The following LRBA variants were observed in gnomAD, a reference collection of about 807,000 sequenced individuals.
LRBA encodes the protein LPS responsive beige-like anchor protein.
A neutral mutation model predicts 330.0 loss-of-function variants in LRBA; 176 were observed. That is an observed-to-expected ratio of 0.53 (90% CI 0.47 to 0.60). The LOEUF is 0.60. Ranked by LOEUF, LRBA falls within the 20% of genes least tolerant of loss-of-function variation. The pLI is 0.00. For synonymous variants in LRBA, 1,230 were observed against 1,193.0 expected (o/e 1.03, Z -0.64); for missense variants, 3,259 against 3,444.8 (o/e 0.95, Z 1.35).
At chr4:150,963,421 G>A (rs896197746) in intron 2 of LRBA, among the ~76,000 whole-genome samples, 1 of 149,632 alleles carries the variant, frequency 6.7e-6, no homozygotes, top group African/African-American at 2.6e-5. Flanking sequence ...TCCTGACTGC[G>A]AGTGGTCTGC....
chr4:150,336,767 C>A (rs1277486659), intron 48 of LRBA, among the ~76,000 whole-genome samples: 1 of 152,208 alleles, frequency 6.6e-6, no homozygotes, highest in Admixed American at 6.5e-5. Flanking sequence ...TCACTACAAT[C>A]TCCAGTTCTT....
rs1779227811 is a variant in LRBA, at chr4:150,647,247, C to A, written c.5921+36304G>T. 2.7e-5 allele frequency among the ~76,000 whole-genome samples: 4 copies of A among 148,400 alleles called. No individual in the cohort carries two copies. In the Admixed American group the frequency reaches 2.7e-4, roughly 10 times the overall value. On this transcript the variant is annotated intron_variant, in intron 37 of 56. Coordinates refer to ENST00000651943, the MANE Select transcript of LRBA (RefSeq NM_001364905.1). ...TAACTTAGTCATTCTATTTCTGGGA[C>A]TATAGCCTGAAAAAAAAATAAGCTA...
chr4:150,959,510 G>C lies in LRBA; in HGVS notation c.217-30445C>G, dbSNP rs375381954. Among the ~76,000 whole-genome samples, 81 of 149,288 alleles carry C rather than the reference G, an allele frequency of 5.4e-4. 12 individuals are homozygous for C. Among genetic ancestry groups the C allele is most frequent in the African/African-American group, 2.0e-3 (78 of 38,734 alleles). ...GTAGGGTTGTACCAAAAGGACTCAG[G>C]AATCAACCTGAAGAAGTGCCTACTG... On this transcript the variant is annotated intron_variant, in intron 2 of 56. Transcript: ENST00000651943.
intron 56 of LRBA, among the ~76,000 whole-genome samples, chr4:150,266,433 C>T (rs932207054): frequency 6.6e-6 from 1 of 152,228 alleles, no homozygotes; most frequent in African/African-American, 2.4e-5. Context: ...CTGCAAGCTT[C>T]TTGGTCTCCT....
intron 49 of LRBA, among the ~76,000 whole-genome samples, chr4:150,322,950 C>A (rs891478061): frequency 2.0e-5 from 3 of 149,434 alleles, no homozygotes; most frequent in Non-Finnish European, 4.4e-5. Flanking sequence ...ATGCACTTAA[C>A]GCAGCACGAG....
At position 150,871,085 on chromosome 4, in the gene LRBA, A is replaced by T. The variant is rs187532453; in HGVS notation, c.2367+260T>A. 5.9e-5 allele frequency among the ~76,000 whole-genome samples: 9 copies of T among 152,244 alleles called. No homozygotes were observed. The East Asian group carries it at 1.5e-3, about 26-fold the overall frequency. On this transcript the variant is annotated intron_variant, in intron 19 of 56. Transcript: ENST00000651943. ...ACAGCAAAACCCGTCACTACTAAAA[A>T]TACAAAAATTAGCCGGGTTAGGTGG...
chr4:150,489,520 TAAG>T (rs1172696528), intron 41 of LRBA, among the ~76,000 whole-genome samples: 16 of 103,756 alleles, frequency 1.5e-4, no homozygotes, highest in African/African-American at 5.3e-4. Flanking sequence ...ATATAATATA[TAAG>T]AATACATAAT....
intron 34 of LRBA, among the ~76,000 whole-genome samples, chr4:150,765,197 T>C (rs998359274): frequency 6.6e-6 from 1 of 152,014 alleles, no homozygotes; most frequent in Admixed American, 6.6e-5. Context: ...ATTTCTACTA[T>C]ATGACATTTT....
chr4:150,571,624 G>C (rs138704341), intron 40 of LRBA, among the ~76,000 whole-genome samples: 9 of 133,964 alleles, frequency 6.7e-5, no homozygotes, highest in African/African-American at 2.4e-4. Context: ...CATACCTTTA[G>C]TATGCATTAA....
chr4:150,321,301 G>T lies in LRBA; in HGVS notation c.7520C>A (p.Ser2507Tyr). Residue 2507 changes from serine to tyrosine, a missense_variant, in exon 50 of 57, where the codon TCC becomes TAC. Transcript: ENST00000651943. This position sits in a 1 kb window ranked among gnomAD's most constrained non-coding sequence, Gnocchi z 4.5. ...GTTGGCTGCCACGTGAGTAACAGGGGAGTTGGAGGGAAACTTGAGGACCAT... is the reference window on the plus strand; with the variant it reads ...GTTGGCTGCCACGTGAGTAACAGGGTAGTTGGAGGGAAACTTGAGGACCAT... ...VIMVLKFPSN[S>Y]PVTHVAANTQ... The T allele has an allele frequency of 6.2e-7, 1 of 1,609,582 alleles. No individual in the cohort carries two copies. Among genetic ancestry groups the T allele is most frequent in the Non-Finnish European group, 8.5e-7 (1 of 1,178,532 alleles).
intron 37 of LRBA, among the ~76,000 whole-genome samples, chr4:150,625,512 C>T (rs1371494890): frequency 6.6e-6 from 1 of 151,974 alleles, no homozygotes; most frequent in Non-Finnish European, 1.5e-5. Context: ...ATATCTTAAT[C>T]TAACTTGAAA....
At position 150,489,514 on chromosome 4, in the gene LRBA, A is replaced by ATT. The variant is rs1262505873; in HGVS notation, c.6448+1403_6448+1404insAA. Among the ~76,000 whole-genome samples the ATT allele has an allele frequency of 1.5e-3, 53 of 34,546 alleles. 17 individuals are homozygous for ATT. The highest frequency in any genetic ancestry group is 3.6e-3 in the Non-Finnish European group (44 of 12,192). 22.7% of individuals were successfully genotyped at this position (34,546 alleles called of 152,430 possible). A position where few individuals can be genotyped will look rare whatever the true frequency, so the allele number is the denominator to read the frequency against. On this transcript the variant is annotated intron_variant, in intron 41 of 56. Coordinates refer to ENST00000651943, the MANE Select transcript of LRBA (RefSeq NM_001364905.1). ...TAATATATTATATATAAGAATATAT[A>ATT]ATATATAAGAATACATAATATATAT...
At chr4:150,602,415 A>G (rs913122090) in intron 37 of LRBA, among the ~76,000 whole-genome samples, 1 of 152,124 alleles carries the variant, frequency 6.6e-6, no homozygotes, top group African/African-American at 2.4e-5. Context: ...CCACACACCC[A>G]CTTATTTGAG....
At chr4:150,493,668 T>C (rs1759229172) in intron 40 of LRBA, among the ~76,000 whole-genome samples, 1 of 152,212 alleles carries the variant, frequency 6.6e-6, no homozygotes, top group Non-Finnish European at 1.5e-5. Context: ...TTTATTATTA[T>C]TCACTAATGT....
At chr4:150,574,179 A>G (rs991529) in intron 40 of LRBA, among the ~76,000 whole-genome samples, 64,437 of 151,836 alleles carry the variant, frequency 0.42, 14,837 homozygotes, top group Admixed American at 0.51. Flanking sequence ...TCAAGCAATA[A>G]TTAGTATACT....
At chr4:150,448,250 C>A (rs542912621) in intron 44 of LRBA, among the ~76,000 whole-genome samples, 1 of 152,302 alleles carries the variant, frequency 6.6e-6, no homozygotes, top group East Asian at 1.9e-4. Flanking sequence ...AAAGTCGTGG[C>A]AATTTCGGTA....
chr4:150,872,362 G>A (rs1753539258), intron 18 of LRBA, among the ~76,000 whole-genome samples: 1 of 152,100 alleles, frequency 6.6e-6, no homozygotes, highest in Non-Finnish European at 1.5e-5. Flanking sequence ...TACAGATAAA[G>A]CAAAAATGGT....
chr4:150,710,803 T>C (rs893065967), intron 36 of LRBA, among the ~76,000 whole-genome samples: 3 of 152,070 alleles, frequency 2.0e-5, no homozygotes, highest in African/African-American at 7.2e-5. Flanking sequence ...TGAGGAAAGA[T>C]GTAGACTCAT....
At chr4:150,320,624 T>C (rs956986662) in intron 50 of LRBA, among the ~76,000 whole-genome samples, 2 of 151,668 alleles carry the variant, frequency 1.3e-5, no homozygotes, top group East Asian at 1.9e-4. Flanking sequence ...CTGGGCAACA[T>C]AGCGAGCCCA....
Sources: allele counts gnomAD v4.1 joint callset (sites outside exome capture counted in the v4.1 genomes callset), GRCh38; gene constraint gnomAD v4.1.1; non-coding constraint Gnocchi (gnomAD v3.1); transcripts MANE v1.5; gene names NCBI Gene and HGNC (gene_info 2026-07-23, HGNC 2026-07-21).